Variants in RTTN observed in about 807,000 individuals in gnomAD.
The protein encoded by RTTN is rotatin.
In RTTN, 182 loss-of-function variants were observed where a neutral mutation model predicts 269.2. The observed-to-expected ratio is 0.68, with a 90% CI of 0.60 to 0.76. The LOEUF (loss-of-function observed/expected upper bound fraction) is 0.76. Ranked by LOEUF, RTTN falls within the 30% of genes least tolerant of loss-of-function variation. The probability of loss-of-function intolerance (pLI) is 0.00; values close to 1 mark genes in which losing one functional copy is unlikely to be tolerated. For synonymous variants in RTTN, 1,006 were observed against 963.5 expected (o/e 1.04, Z -0.82); for missense variants, 2,545 against 2,608.6 (o/e 0.98, Z 0.53).
intron 14 of RTTN, among the ~76,000 whole-genome samples, chr18:70,152,808 T>G (rs2060573231): frequency 6.6e-6 from 1 of 152,194 alleles, no homozygotes; most frequent in South Asian, 2.1e-4. Flanking sequence ...GAAACTGGTC[T>G]TCTTGCTTCC....
chr18:70,024,910 C>G, intron 43 of RTTN, 62 bp from the exon 44 acceptor site: 1 of 1,556,130 alleles, frequency 6.4e-7, no homozygotes, highest in Non-Finnish European at 8.8e-7. Context: ...ACATTAAAAT[C>G]AAAACAACAA....
chr18:70,046,482 G>A (rs909818462), intron 40 of RTTN, among the ~76,000 whole-genome samples: 9 of 152,134 alleles, frequency 5.9e-5, no homozygotes, highest in Non-Finnish European at 1.0e-4. Flanking sequence ...ATTACATAGG[G>A]GTTGTGGTTG....
intron 29 of RTTN, 25 bp downstream of exon 29, chr18:70,092,651 A>C (rs760160034): frequency 3.7e-6 from 6 of 1,604,444 alleles, no homozygotes; most frequent in Non-Finnish European, 2.6e-6. Context: ...AATGTTCAGA[A>C]GATAGACAGC....
At chr18:70,075,718 T>A (rs1463819811) in intron 32 of RTTN, among the ~76,000 whole-genome samples, 177 bp from the exon 33 acceptor site, 2 of 152,070 alleles carry the variant, frequency 1.3e-5, no homozygotes, top group Non-Finnish European at 2.9e-5. Context: ...TATTCCATAA[T>A]ACTCTAGGTC....
rs755128331 is a variant in RTTN, at chr18:70,205,177, G to C, written c.170C>G (p.Ser57Cys). 1 of 1,614,206 alleles carries C rather than the reference G, an allele frequency of 6.2e-7. No individual in the cohort carries two copies. ...CAGAACCTCTTCCTTCATCGGAACG[G>C]ACGGGAAATTGAACCATTCCAGCAA... Reference protein sequence around the residue: ...LHLLEWFNFPSVPMKEEVLNL... With the variant: ...LHLLEWFNFPCVPMKEEVLNL... Residue 57 changes from serine (S) to cysteine (C), a missense_variant, in exon 2 of 49, where the codon TCC (serine) becomes TGC (cysteine). By Grantham distance (112) the Ser-to-Cys change is moderately radical. Transcript: ENST00000640769.
intron 10 of RTTN, among the ~76,000 whole-genome samples, chr18:70,180,109 G>A (rs377413664): frequency 8.7e-5 from 13 of 149,834 alleles, no homozygotes; most frequent in East Asian, 3.9e-4. Context: ...TCATTCTCAC[G>A]CTCCGCCAGA....
At chr18:70,010,920 C>A (rs1049575073) in intron 46 of RTTN, among the ~76,000 whole-genome samples, 1 of 152,126 alleles carries the variant, frequency 6.6e-6, no homozygotes, top group Non-Finnish European at 1.5e-5. Context: ...GCACTGATCC[C>A]ACAGAAATCC....
intron 40 of RTTN, among the ~76,000 whole-genome samples, chr18:70,044,349 T>C (rs978235633): frequency 2.6e-5 from 4 of 152,238 alleles, no homozygotes; most frequent in Non-Finnish European, 4.4e-5. Context: ...TAATTCATTA[T>C]CTCAACTGAT....
intron 14 of RTTN, among the ~76,000 whole-genome samples, chr18:70,158,589 C>CAT (rs1357678199): frequency 6.6e-6 from 1 of 152,152 alleles, no homozygotes; most frequent in Non-Finnish European, 1.5e-5. Context: ...CAAATCCTCA[C>CAT]ATATCAATAC....
Position 70,205,660 on chromosome 18 carries a change from T to G in RTTN, c.-2A>C. The G allele has an allele frequency of 6.2e-7, 1 of 1,614,056 alleles. No individual in the cohort carries two copies. The highest frequency in any genetic ancestry group is 8.5e-7 in the Non-Finnish European group (1 of 1,180,000). Reference sequence around the variant, plus strand: ...CCTGATGAGCCCTGCCAGGACCATCTCGTCCCGTCAATCTGCAGCCGCCGG... The same window carrying G: ...CCTGATGAGCCCTGCCAGGACCATCGCGTCCCGTCAATCTGCAGCCGCCGG... On this transcript the variant is annotated 5_prime_UTR_variant, in exon 1 of 49. Coordinates refer to ENST00000640769, the MANE Select transcript of RTTN (RefSeq NM_173630.4).
At chr18:70,150,262 A>G (rs995541340) in intron 15 of RTTN, 175 bp from the exon 16 acceptor site, 2 of 582,122 alleles carry the variant, frequency 3.4e-6, no homozygotes, top group Admixed American at 6.5e-5. Flanking sequence ...TTCTTCCTTA[A>G]TATTTCTAAT....
At chr18:70,196,764 C>A (rs1374524780) in intron 6 of RTTN, 116 bp from the exon 7 acceptor site, 4 of 1,002,434 alleles carry the variant, frequency 4.0e-6, no homozygotes, top group East Asian at 5.1e-5. Context: ...AATAAGTTGC[C>A]AAATATTTGT....
At chr18:70,019,224 A>T (rs2056632318) in intron 45 of RTTN, 1 of 152,164 alleles carries the variant, frequency 6.6e-6, no homozygotes, top group Non-Finnish European at 1.5e-5. Flanking sequence ...GTTAAACCCA[A>T]ATGAAGCTGA....
chr18:70,059,933 G>C lies in RTTN; in HGVS notation c.4857C>G (p.Ser1619Arg), dbSNP rs1227451464. 3 of 1,613,874 alleles carry C rather than the reference G, an allele frequency of 1.9e-6. No homozygotes were observed. The African/African-American group carries it at 4.0e-5, about 22-fold the overall frequency. Residue 1619 changes from serine to arginine, a missense_variant, in exon 36 of 49, where the codon AGC becomes AGG. By Grantham distance (110) the Ser-to-Arg change is moderately radical. Transcript: ENST00000640769. Reference sequence around the variant, plus strand: ...CAATCGTCAAGAGGTTGTCCAAGAGGCTGCACATTGCTGAAAGAAGAGATG... The same window carrying C: ...CAATCGTCAAGAGGTTGTCCAAGAGCCTGCACATTGCTGAAAGAAGAGATG... ...VTPSLLSAMC[S>R]LLDNLLTIAP...
At chr18:70,121,141 G>A (rs537816359) in intron 26 of RTTN, among the ~76,000 whole-genome samples, 3 of 152,116 alleles carry the variant, frequency 2.0e-5, no homozygotes, top group South Asian at 2.1e-4. Context: ...TCCAGTAACC[G>A]TTATTTAAGG....
At chr18:70,159,866 G>A (rs891718724) in intron 14 of RTTN, among the ~76,000 whole-genome samples, 2 of 151,748 alleles carry the variant, frequency 1.3e-5, no homozygotes, top group African/African-American at 4.8e-5. Flanking sequence ...CCCAAGATTG[G>A]ACCAGAAAGA....
chr18:70,069,409 T>A (rs1599377259), intron 34 of RTTN, among the ~76,000 whole-genome samples: 1 of 152,062 alleles, frequency 6.6e-6, no homozygotes, highest in Non-Finnish European at 1.5e-5. Context: ...CTGAAAAAAA[T>A]TGTTCTTCAG....
chr18:70,135,439 C>T (rs2060102062), intron 21 of RTTN, among the ~76,000 whole-genome samples, 159 bp from the exon 22 acceptor site: 1 of 152,114 alleles, frequency 6.6e-6, no homozygotes, highest in South Asian at 2.1e-4. Flanking sequence ...TGTGGATGTA[C>T]AAGAATCACC....
chr18:70,109,368 C>A, intron 28 of RTTN, 130 bp downstream of exon 28: 1 of 603,460 alleles, frequency 1.7e-6, no homozygotes, highest in Non-Finnish European at 2.8e-6. Flanking sequence ...TAAAACATTT[C>A]ACTATTATGA....
Sources: gnomAD v4.1 joint callset for allele counts (sites outside exome capture counted in the v4.1 genomes callset) on GRCh38, gnomAD v4.1.1 for gene constraint, MANE v1.5 for transcripts, NCBI Gene and HGNC (gene_info 2026-07-23, HGNC 2026-07-21) for gene names.